Variants in ASAP1 observed in about 807,000 individuals in gnomAD.
ASAP1 encodes ArfGAP with SH3 domain, ankyrin repeat and PH domain 1, also known as arf-GAP with SH3 domain, ANK repeat and PH domain-containing protein 1.
Under a neutral mutation model 145.2 loss-of-function variants are expected in ASAP1, and 43 were observed. The ratio of observed to expected loss-of-function variants is 0.30; its 90% CI spans 0.23 to 0.38. ASAP1 has a LOEUF of 0.38. Among genes scored for constraint, ASAP1 ranks in the 10% least tolerant of loss-of-function variants. The probability of loss-of-function intolerance (pLI) is 1.00; values close to 1 mark genes in which losing one functional copy is unlikely to be tolerated. For missense variants in ASAP1, 1,018 were observed against 1,355.3 expected, an observed-to-expected ratio of 0.75 and a Z score of 3.91; for synonymous variants, 546 against 515.5, an observed-to-expected ratio of 1.06 and a Z score of -0.80.
At chr8:130,414,759 C>CTTT (rs548202897) in intron 1 of ASAP1, among the ~76,000 whole-genome samples, 3 of 140,404 alleles carry the variant, frequency 2.1e-5, no homozygotes, top group African/African-American at 5.2e-5. Flanking sequence ...TTCTATAACT[C>CTTT]TTTTTTTTTT....
intron 5 of ASAP1, among the ~76,000 whole-genome samples, chr8:130,188,475 T>G (rs1274014426): frequency 6.6e-6 from 1 of 151,902 alleles, no homozygotes; most frequent in Non-Finnish European, 1.5e-5. Flanking sequence ...GGCTTACGCC[T>G]GTAATCCCAG....
At chr8:130,250,216 AC>A (rs771782176) in intron 3 of ASAP1, among the ~76,000 whole-genome samples, 143 of 152,210 alleles carry the variant, frequency 9.4e-4, no homozygotes, top group Non-Finnish European at 5.3e-4. Context: ...TGAATTTACT[AC>A]TCAAAGACTT....
At chr8:130,318,303 A>G (rs1823789978) in intron 3 of ASAP1, among the ~76,000 whole-genome samples, 1 of 152,234 alleles carries the variant, frequency 6.6e-6, no homozygotes, top group East Asian at 1.9e-4. Flanking sequence ...GCTGGTTTCA[A>G]ATTCCTGGCT....
chr8:130,429,469 C>G (rs1382182368), intron 1 of ASAP1, among the ~76,000 whole-genome samples: 1 of 152,186 alleles, frequency 6.6e-6, no homozygotes, highest in African/African-American at 2.4e-5. Context: ...AAAACTAAGG[C>G]TCAAAGAGGT....
chr8:130,286,712 G>C (rs895566254), intron 3 of ASAP1, among the ~76,000 whole-genome samples: 3 of 152,148 alleles, frequency 2.0e-5, no homozygotes, highest in African/African-American at 7.2e-5. Flanking sequence ...ACCAGGACTG[G>C]GGAAAATGAT....
At chr8:130,348,895 T>C (rs1236808610) in intron 3 of ASAP1, among the ~76,000 whole-genome samples, 1 of 152,202 alleles carries the variant, frequency 6.6e-6, no homozygotes, top group Non-Finnish European at 1.5e-5. Context: ...GCATTTATTA[T>C]GTAACAGAGA....
At chr8:130,231,924 G>T (rs571703340) in intron 4 of ASAP1, among the ~76,000 whole-genome samples, 2 of 152,084 alleles carry the variant, frequency 1.3e-5, no homozygotes. Flanking sequence ...ACTGACCCAG[G>T]GTCTCTCACA....
At chr8:130,111,677 TC>T (rs768940220) in intron 24 of ASAP1, among the ~76,000 whole-genome samples, 60 of 152,178 alleles carry the variant, frequency 3.9e-4, no homozygotes, top group Non-Finnish European at 7.3e-4. Flanking sequence ...AAAGTAACTT[TC>T]CAGAGAACTG....
intron 3 of ASAP1, among the ~76,000 whole-genome samples, chr8:130,247,896 A>G (rs191470665): frequency 6.6e-6 from 1 of 152,306 alleles, no homozygotes; most frequent in East Asian, 1.9e-4. Context: ...ACTAAAACTG[A>G]TCGCTGGCAT....
At chr8:130,095,767 C>T (rs944279656) in intron 24 of ASAP1, among the ~76,000 whole-genome samples, 1 of 150,528 alleles carries the variant, frequency 6.6e-6, no homozygotes, top group Non-Finnish European at 1.5e-5. Context: ...TACAGGTGCA[C>T]GCCGCCACAC....
chr8:130,071,124 G>C (rs564560352), intron 27 of ASAP1, among the ~76,000 whole-genome samples: 1 of 151,778 alleles, frequency 6.6e-6, no homozygotes, highest in Non-Finnish European at 1.5e-5. Flanking sequence ...CCTAGGACAG[G>C]AGTTGCTGGG....
At chr8:130,407,367 C>G (rs1829078146) in intron 1 of ASAP1, among the ~76,000 whole-genome samples, 1 of 152,200 alleles carries the variant, frequency 6.6e-6, no homozygotes, top group African/African-American at 2.4e-5. Flanking sequence ...CAGACACAAC[C>G]AGGGCATAGT....
chr8:130,150,227 T>G (rs2097642852), intron 13 of ASAP1, among the ~76,000 whole-genome samples: 1 of 152,212 alleles, frequency 6.6e-6, no homozygotes, highest in African/African-American at 2.4e-5. Context: ...CTAAACAATG[T>G]GGATGATGTG....
intron 3 of ASAP1, among the ~76,000 whole-genome samples, chr8:130,297,809 C>T (rs1363133338): frequency 2.0e-5 from 3 of 152,248 alleles, no homozygotes; most frequent in Non-Finnish European, 4.4e-5. Flanking sequence ...AGGAAGGGTG[C>T]ACCCAAAATC....
chr8:130,395,769 C>T (rs1425789781), intron 2 of ASAP1, among the ~76,000 whole-genome samples: 2 of 151,892 alleles, frequency 1.3e-5, no homozygotes, highest in South Asian at 2.1e-4. Flanking sequence ...CAGGTTCAAG[C>T]GATTCTCCTG....
At chr8:130,312,525 C>T (rs918604436) in intron 3 of ASAP1, among the ~76,000 whole-genome samples, 5 of 152,286 alleles carry the variant, frequency 3.3e-5, no homozygotes, top group African/African-American at 9.6e-5. Flanking sequence ...GGGGCCTTCT[C>T]TCCCTTTTGA....
chr8:130,325,899 A>G (rs905472689), intron 3 of ASAP1, among the ~76,000 whole-genome samples: 2 of 152,204 alleles, frequency 1.3e-5, no homozygotes, highest in Non-Finnish European at 2.9e-5. Context: ...AGTACTAAAT[A>G]TGCCAGAAAC....
At chr8:130,072,100 T>A (rs1404482467) in intron 27 of ASAP1, among the ~76,000 whole-genome samples, 1 of 152,120 alleles carries the variant, frequency 6.6e-6, no homozygotes, top group Non-Finnish European at 1.5e-5. Flanking sequence ...CCCTATACCC[T>A]GGGGGAAGGA....
At chr8:130,125,836 A>G in intron 17 of ASAP1, 120 bp downstream of exon 17, 1 of 1,069,712 alleles carries the variant, frequency 9.3e-7, no homozygotes, top group South Asian at 1.9e-5. Flanking sequence ...ACGCAAACTC[A>G]CAAAATTCAG....
Sources: allele counts gnomAD v4.1 joint callset (sites outside exome capture counted in the v4.1 genomes callset), GRCh38; gene constraint gnomAD v4.1.1; transcripts MANE v1.5; gene names NCBI Gene and HGNC (gene_info 2026-07-23, HGNC 2026-07-21).